PLA2G4A: variants seen among roughly 807,000 people sequenced by gnomAD.
PLA2G4A encodes phospholipase A2 group IVA.
In PLA2G4A, 40 loss-of-function variants were observed where a neutral mutation model predicts 81.9. That is an observed-to-expected ratio of 0.49 (90% confidence interval 0.38 to 0.64). The LOEUF is 0.64. Ranked by LOEUF, PLA2G4A falls within the 30% of genes least tolerant of loss-of-function variation. The pLI, the probability that PLA2G4A is intolerant of heterozygous loss-of-function variation, is 0.00. For synonymous variants in PLA2G4A, 302 were observed against 296.9 expected, an observed-to-expected ratio of 1.02 and a Z score of -0.18; for missense variants, 715 against 905.1, an observed-to-expected ratio of 0.79 and a Z score of 2.69.
At chr1:186,968,107 A>G (rs1289735443) in intron 15 of PLA2G4A, among the ~76,000 whole-genome samples, 1 of 152,060 alleles carries the variant, frequency 6.6e-6, no homozygotes, top group Non-Finnish European at 1.5e-5. Context: ...CTAGTGGTGG[A>G]AGACACTGTA....
intron 7 of PLA2G4A, among the ~76,000 whole-genome samples, chr1:186,927,590 G>GATAA (rs1428731481): frequency 1.3e-5 from 2 of 152,186 alleles, no homozygotes; most frequent in African/African-American, 4.8e-5. Context: ...TGTCATCAGA[G>GATAA]TGTAAAAGAG....
At chr1:186,898,950 T>C (rs1348082641) in intron 5 of PLA2G4A, among the ~76,000 whole-genome samples, 1 of 152,194 alleles carries the variant, frequency 6.6e-6, no homozygotes, top group Non-Finnish European at 1.5e-5. Flanking sequence ...GCCCTCACTA[T>C]GTGGTAGACA....
At chr1:186,968,034 A>G (rs1162651500) in intron 15 of PLA2G4A, among the ~76,000 whole-genome samples, 3 of 152,086 alleles carry the variant, frequency 2.0e-5, no homozygotes, top group Non-Finnish European at 1.5e-5. Context: ...TTGATGACCT[A>G]TGAGAAACAA....
chr1:186,887,797 G>A (rs986193665), intron 3 of PLA2G4A, among the ~76,000 whole-genome samples: 1 of 152,272 alleles, frequency 6.6e-6, no homozygotes, highest in South Asian at 2.1e-4. Flanking sequence ...GTCAAAGTGG[G>A]CTGCCTTCCT....
Position 186,911,380 on chromosome 1 carries a change from T to C in PLA2G4A, c.549T>C (p.Ser183=), listed in dbSNP as rs781134636. The part of the protein sequence containing the change: ...LGPKNSEGLH[S]ARDVPVVAIL... Reference sequence around the variant, plus strand: ...CAAAGAATAGTGAAGGATTGCATTCTGCACGTGATGTGAGTTGGAAATTTT... The same window carrying C: ...CAAAGAATAGTGAAGGATTGCATTCCGCACGTGATGTGAGTTGGAAATTTT... Residue 183 remains serine (S), a synonymous_variant, in exon 7 of 18, where the codon TCT becomes TCC. Transcript: ENST00000367466. The C allele has an allele frequency of 6.2e-7, 1 of 1,609,814 alleles. No individual in the cohort carries two copies. The highest frequency in any genetic ancestry group is 8.5e-7 in the Non-Finnish European group (1 of 1,175,982).
rs200558804 is a variant in PLA2G4A at position 186,956,181 on chromosome 1, G to A, written c.1416G>A (p.Leu472=). Residue 472 remains leucine, a synonymous_variant, in exon 14 of 18, where the codon TTG becomes TTA. Coordinates refer to ENST00000367466, the MANE Select transcript of PLA2G4A (RefSeq NM_024420.3). ...GGATTCATCGTATGATAATGGCCTT[G>A]GTGAGTGATTCAGCTTTATTCAATA... is the stretch of plus-strand genomic sequence containing the variant. The part of the protein sequence containing the change: ...ASWIHRMIMA[L]VSDSALFNTR... 1.6e-4 allele frequency: 256 copies of A among 1,613,584 alleles called. 1 individual carries two copies. The highest frequency in any genetic ancestry group is 2.1e-4 in the Non-Finnish European group (249 of 1,179,658).
chr1:186,861,329 G>A (rs1318208174), intron 2 of PLA2G4A, among the ~76,000 whole-genome samples: 3 of 152,164 alleles, frequency 2.0e-5, no homozygotes, highest in Non-Finnish European at 4.4e-5. Flanking sequence ...TCAAGGCTGT[G>A]CAGTCTCTCC....
At chr1:186,922,284 C>G (rs1655379172) in intron 7 of PLA2G4A, among the ~76,000 whole-genome samples, 1 of 152,144 alleles carries the variant, frequency 6.6e-6, no homozygotes, top group South Asian at 2.1e-4. Context: ...AAACCAGACC[C>G]AAAGTATCAA....
chr1:186,958,137 T>G (rs1034521305), intron 14 of PLA2G4A, among the ~76,000 whole-genome samples: 5 of 152,196 alleles, frequency 3.3e-5, no homozygotes, highest in Admixed American at 1.3e-4. Context: ...TAAACAAGAT[T>G]AGTGCAAACT....
At chr1:186,970,032 T>C (rs1436246570) in intron 15 of PLA2G4A, among the ~76,000 whole-genome samples, 4 of 152,038 alleles carry the variant, frequency 2.6e-5, no homozygotes, top group Non-Finnish European at 4.4e-5. Context: ...CAAGCAACCA[T>C]GTAGGAGGGT....
At chr1:186,975,285 G>A (rs1657491738) in intron 15 of PLA2G4A, among the ~76,000 whole-genome samples, 1 of 152,168 alleles carries the variant, frequency 6.6e-6, no homozygotes, top group South Asian at 2.1e-4. Flanking sequence ...TCAGTGAAAT[G>A]TAATTGTATT....
At chr1:186,905,233 C>T (rs61810980) in intron 5 of PLA2G4A, among the ~76,000 whole-genome samples, 16,371 of 152,216 alleles carry the variant, frequency 0.11, 991 homozygotes, top group Middle Eastern at 0.19. Context: ...CACTTTCTGT[C>T]ATGAGACGGC....
intron 8 of PLA2G4A, among the ~76,000 whole-genome samples, chr1:186,934,271 A>G (rs1655852151): frequency 1.3e-5 from 2 of 151,952 alleles, no homozygotes; most frequent in Admixed American, 1.3e-4. Flanking sequence ...AACTCATCTA[A>G]TAAAGCAAGA....
At chr1:186,940,747 T>A (rs1161866541) in intron 10 of PLA2G4A, among the ~76,000 whole-genome samples, 1 of 152,190 alleles carries the variant, frequency 6.6e-6, no homozygotes, top group Non-Finnish European at 1.5e-5. Context: ...CAACGTTACA[T>A]TTTCTGGAAT....
At chr1:186,841,532 G>T (rs1654910371) in intron 1 of PLA2G4A, among the ~76,000 whole-genome samples, 1 of 152,114 alleles carries the variant, frequency 6.6e-6, no homozygotes, top group Non-Finnish European at 1.5e-5. Flanking sequence ...CCCTTACTGG[G>T]TAACTTGGTG....
chr1:186,868,931 T>C (rs1653138452), intron 2 of PLA2G4A, among the ~76,000 whole-genome samples: 1 of 151,946 alleles, frequency 6.6e-6, no homozygotes, highest in African/African-American at 2.4e-5. Context: ...CCTTTTTTTT[T>C]TTTTTCTTAG....
chr1:186,877,110 C>A (rs558117095), intron 3 of PLA2G4A, among the ~76,000 whole-genome samples: 1 of 151,958 alleles, frequency 6.6e-6, no homozygotes, highest in African/African-American at 2.4e-5. Context: ...ATGTAGGAAT[C>A]AATATGAAAA....
intron 10 of PLA2G4A, among the ~76,000 whole-genome samples, chr1:186,942,243 C>T (rs539642964): frequency 4.6e-5 from 7 of 152,166 alleles, no homozygotes; most frequent in East Asian, 1.9e-4. Flanking sequence ...GAAATTGCTT[C>T]CCCCCAGCCA....
intron 3 of PLA2G4A, among the ~76,000 whole-genome samples, chr1:186,871,486 A>G (rs924128036): frequency 7.2e-5 from 11 of 152,174 alleles, no homozygotes; most frequent in Non-Finnish European, 1.3e-4. Context: ...CGTCCAGGAA[A>G]CAGGTAGGGT....
Sources: allele counts gnomAD v4.1 joint callset (sites outside exome capture counted in the v4.1 genomes callset), GRCh38; gene constraint gnomAD v4.1.1; transcripts MANE v1.5; gene names NCBI Gene and HGNC (gene_info 2026-07-23, HGNC 2026-07-21).